Variants in SLC22A25 observed in about 807,000 individuals in gnomAD.
SLC22A25 encodes MGI:2442751, MGI:2385316, MGI:3042283, MGI:3645714, MGI:3605624, MGI:2442750.
In SLC22A25, 44 loss-of-function variants were observed where a neutral mutation model predicts 45.9. That is an observed-to-expected ratio of 0.96 (90% CI 0.75 to 1.23). The LOEUF (loss-of-function observed/expected upper bound fraction) is 1.23. Ranked by LOEUF, SLC22A25 falls within the 50% of genes most tolerant of loss-of-function variation. The probability of loss-of-function intolerance (pLI) is 0.00; values close to 1 mark genes in which losing one functional copy is unlikely to be tolerated. For synonymous variants in SLC22A25, 283 were observed against 238.6 expected (o/e 1.19, Z -1.72); for missense variants, 800 against 666.4 (o/e 1.20, Z -2.21).
chr11:63,189,407 C>G (rs2088703949), intron 7 of SLC22A25, among the ~76,000 whole-genome samples: 1 of 152,114 alleles, frequency 6.6e-6, no homozygotes, highest in Non-Finnish European at 1.5e-5. Context: ...GTAGATCTTC[C>G]TCCATCCCTT....
chr11:63,202,323 G>T (rs1262138002), intron 7 of SLC22A25, among the ~76,000 whole-genome samples: 1 of 152,004 alleles, frequency 6.6e-6, no homozygotes, highest in Non-Finnish European at 1.5e-5. Context: ...CCTGTAAAGG[G>T]GGCACTGAAG....
intron 9 of SLC22A25, among the ~76,000 whole-genome samples, chr11:63,173,833 T>C (rs1177456809): frequency 6.6e-6 from 1 of 152,086 alleles, no homozygotes; most frequent in African/African-American, 2.4e-5. Context: ...TTTTGTTCAG[T>C]GCATTGAATT....
In SLC22A25 at chr11:63,164,078, G is replaced by C; in HGVS notation, c.1395-5C>G. ...GTGATTCCAGTAGCTCTTCCCCTTGGAGTAAAAACAGCAACAGAGGAAAAG... is the reference window on the plus strand; with the variant it reads ...GTGATTCCAGTAGCTCTTCCCCTTGCAGTAAAAACAGCAACAGAGGAAAAG... On this transcript the variant is annotated splice_polypyrimidine_tract_variant and splice_region_variant and intron_variant, in intron 11 of 11. Transcript: ENST00000306494. 1 of 1,565,268 alleles carries C rather than the reference G, an allele frequency of 6.4e-7. No individual in the cohort carries two copies. Among genetic ancestry groups the C allele is most frequent in the Non-Finnish European group, 8.6e-7 (1 of 1,158,898 alleles).
intron 7 of SLC22A25, among the ~76,000 whole-genome samples, chr11:63,216,656 T>C (rs527319969): frequency 6.6e-6 from 1 of 152,164 alleles, no homozygotes; most frequent in East Asian, 1.9e-4. Context: ...TTCCCATTTA[T>C]AAGTGGGAGC....
intron 7 of SLC22A25, among the ~76,000 whole-genome samples, chr11:63,190,047 A>G (rs1387190998): frequency 6.6e-6 from 1 of 152,124 alleles, no homozygotes; most frequent in African/African-American, 2.4e-5. Flanking sequence ...CTTGAGGAGT[A>G]TCTTTGTGGT....
chr11:63,225,545 C>T (rs185675121), intron 5 of SLC22A25, among the ~76,000 whole-genome samples: 92 of 152,156 alleles, frequency 6.0e-4, no homozygotes, highest in Middle Eastern at 3.4e-3. Flanking sequence ...TTTTCTCTTG[C>T]GTGTTTAGGA....
intron 7 of SLC22A25, among the ~76,000 whole-genome samples, chr11:63,191,585 T>A (rs1170020653): frequency 6.6e-6 from 1 of 152,118 alleles, no homozygotes; most frequent in African/African-American, 2.4e-5. Flanking sequence ...CCCATTGAGA[T>A]GAACCTGGTA....
At chr11:63,223,922 T>C (rs1201036711) in intron 5 of SLC22A25, among the ~76,000 whole-genome samples, 1 of 152,108 alleles carries the variant, frequency 6.6e-6, no homozygotes, top group African/African-American at 2.4e-5. Context: ...TTGTATAGTT[T>C]CCAGAATCTG....
At chr11:63,209,234 A>T (rs1460431224) in intron 7 of SLC22A25, among the ~76,000 whole-genome samples, 2 of 152,138 alleles carry the variant, frequency 1.3e-5, no homozygotes, top group Non-Finnish European at 2.9e-5. Flanking sequence ...AATTGTTTAC[A>T]GCCCTGCCTA....
intron 7 of SLC22A25, among the ~76,000 whole-genome samples, chr11:63,204,035 A>G (rs113693493): frequency 6.6e-6 from 1 of 152,244 alleles, no homozygotes; most frequent in Non-Finnish European, 1.5e-5. Flanking sequence ...TTTTTAACCC[A>G]GAATTTCATA....
intron 5 of SLC22A25, among the ~76,000 whole-genome samples, chr11:63,226,991 C>T (rs1379635425): frequency 6.6e-6 from 1 of 152,108 alleles, no homozygotes; most frequent in Non-Finnish European, 1.5e-5. Context: ...GCTGTTTGGT[C>T]AGCTTGTGGT....
At chr11:63,192,789 A>C (rs181096617) in intron 7 of SLC22A25, among the ~76,000 whole-genome samples, 2 of 152,264 alleles carry the variant, frequency 1.3e-5, no homozygotes, top group African/African-American at 2.4e-5. Flanking sequence ...AGATCTAACT[A>C]TCTTAAATAT....
At chr11:63,221,497 G>A (rs1423296126) in intron 5 of SLC22A25, among the ~76,000 whole-genome samples, 2 of 151,882 alleles carry the variant, frequency 1.3e-5, no homozygotes, top group Non-Finnish European at 2.9e-5. Context: ...TTCCTACAGA[G>A]TTGTGCACAC....
rs2087670732 is a variant in SLC22A25, at chr11:63,166,077, T to C, written c.1252A>G (p.Thr418Ala). ...ACAAATATGATGGCCAGAAGGCAGG[T>C]TGCCAGTAGGAACATGAGAAGCATC... ...SQMLLMFLLA[T>A]CLLAIIFVPQ... The change falls in exon 10 of 12, where the codon ACC becomes GCC. Residue 418 changes from threonine to alanine, a missense_variant. Transcript: ENST00000306494. The C allele has an allele frequency of 1.2e-6, 2 of 1,613,850 alleles. No homozygotes were observed. The highest frequency in any genetic ancestry group is 1.6e-4 in the Middle Eastern group (1 of 6,078).
Position 63,238,758 on chromosome 11 carries a change from C to A in SLC22A25, c.-618G>T, listed in dbSNP as rs2090203776. ...AGAGGAAGGAGCTTCTGTTGTACAC[C>A]CTGCTGTCCACACACGGTTCCATGT... On this transcript the variant is annotated 5_prime_UTR_variant, in exon 2 of 12. Coordinates refer to ENST00000306494, the MANE Select transcript of SLC22A25 (RefSeq NM_199352.6). The A allele has an allele frequency of 4.6e-6, 1 of 217,140 alleles. No homozygotes were observed. The highest frequency in any genetic ancestry group is 1.0e-5 in the Non-Finnish European group (1 of 97,156). The allele number at this position is 217,140 out of a possible 1,614,324, so 13.5% of individuals were successfully genotyped here.
chr11:63,197,360 A>G (rs1452321722), intron 7 of SLC22A25, among the ~76,000 whole-genome samples: 2 of 152,206 alleles, frequency 1.3e-5, no homozygotes, highest in Admixed American at 6.5e-5. Flanking sequence ...AAACTCTACT[A>G]CAAGGCTACA....
rs1210485671 is a variant in SLC22A25 at position 63,170,029 on chromosome 11, C to A, written c.1071-3771G>T. On this transcript the variant is annotated intron_variant, in intron 9 of 11. Transcript: ENST00000306494. ...AAGAAACTCATTCAAAACCACTCAA[C>A]TACGTGGAAACTGAACAACCTGCTC... Among the ~76,000 whole-genome samples, 5 of 152,260 alleles carry A rather than the reference C, an allele frequency of 3.3e-5. No individual in the cohort carries two copies. In the South Asian group the frequency reaches 1.0e-3, roughly 32 times the overall value.
At chr11:63,219,657 A>G (rs1403914696) in intron 5 of SLC22A25, among the ~76,000 whole-genome samples, 3 of 152,166 alleles carry the variant, frequency 2.0e-5, no homozygotes, top group South Asian at 2.1e-4. Context: ...GCATATGATC[A>G]ATTAATATTT....
intron 8 of SLC22A25, 46 bp from the exon 9 acceptor site, chr11:63,180,821 G>T (rs1443241612): frequency 1.4e-6 from 2 of 1,409,610 alleles, no homozygotes; most frequent in Admixed American, 1.8e-5. Context: ...GTCACAAAAT[G>T]GTAGGCATTG....
Sources: allele counts gnomAD v4.1 joint callset (sites outside exome capture counted in the v4.1 genomes callset), GRCh38; gene constraint gnomAD v4.1.1; transcripts MANE v1.5; gene names NCBI Gene and HGNC (gene_info 2026-07-23, HGNC 2026-07-21).